The following ATP11B variants were observed in gnomAD, a reference collection of about 807,000 sequenced individuals.
ATP11B encodes the protein ATPase phospholipid transporting 11B (putative).
ATP11B carries 81 observed loss-of-function variants against 157.8 expected under a neutral mutation model. The observed-to-expected ratio is 0.51, with a 90% CI of 0.43 to 0.62. ATP11B has a LOEUF of 0.62. Among genes scored for constraint, ATP11B ranks in the 20% least tolerant of loss-of-function variants. The probability of loss-of-function intolerance (pLI) is 0.00; values close to 1 mark genes in which losing one functional copy is unlikely to be tolerated. For missense variants in ATP11B, 1,165 were observed against 1,402.2 expected (o/e 0.83, Z 2.70); for synonymous variants, 451 against 469.4 (o/e 0.96, Z 0.51).
At chr3:182,859,060 A>T (rs1720634653) in intron 11 of ATP11B, 102 bp from the exon 12 acceptor site, 5 of 694,676 alleles carry the variant, frequency 7.2e-6, no homozygotes, top group Non-Finnish European at 1.2e-5. Flanking sequence ...AATATAGTTG[A>T]TGGTCTATGT....
At chr3:182,900,720 A>G (rs1723896328) in intron 28 of ATP11B, among the ~76,000 whole-genome samples, 1 of 152,138 alleles carries the variant, frequency 6.6e-6, no homozygotes, top group Admixed American at 6.5e-5. Flanking sequence ...GTTATATTTC[A>G]CCAAAATATA....
At chr3:182,868,308 A>T (rs572343053) in intron 15 of ATP11B, among the ~76,000 whole-genome samples, 3 of 149,404 alleles carry the variant, frequency 2.0e-5, no homozygotes, top group African/African-American at 7.4e-5. Context: ...TCATATGTCA[A>T]TTCCAGCTGT....
At chr3:182,807,242 T>C (rs1716381048) in intron 1 of ATP11B, among the ~76,000 whole-genome samples, 1 of 152,122 alleles carries the variant, frequency 6.6e-6, no homozygotes, top group African/African-American at 2.4e-5. Flanking sequence ...CCGTTATCTC[T>C]TAAATCTGCC....
rs1725415647 is a variant in ATP11B, at chr3:182,920,581, C to G, written c.*2477C>G. On this transcript the variant is annotated 3_prime_UTR_variant, in exon 30 of 30. Coordinates refer to ENST00000323116, the MANE Select transcript of ATP11B (RefSeq NM_014616.3). ...CAAAACCAGAGCAAAATGCTAAATACGTTATTGCTAATCAGTGGTCTCAAA... is the reference window on the plus strand; with the variant it reads ...CAAAACCAGAGCAAAATGCTAAATAGGTTATTGCTAATCAGTGGTCTCAAA... 1 of 152,172 alleles carries G rather than the reference C, an allele frequency of 6.6e-6. No homozygotes were observed. Among genetic ancestry groups the G allele is most frequent in the Non-Finnish European group, 1.5e-5 (1 of 68,030 alleles). The allele number at this position is 152,172 out of a possible 1,614,324, so 9.4% of individuals were successfully genotyped here.
At position 182,805,454 on chromosome 3, in the gene ATP11B, C is replaced by CA. The variant is rs1470121924; in HGVS notation, c.27+11668_27+11669insA. Reference sequence around the variant, plus strand: ...AGAAATGCCTATTCAGATATTTTTGCTTTTTTTTTTTTCTTTTGAGACGGA... The same window carrying CA: ...AGAAATGCCTATTCAGATATTTTTGCATTTTTTTTTTTTCTTTTGAGACGGA... On this transcript the variant is annotated intron_variant, in intron 1 of 29. Transcript: ENST00000323116. Among the ~76,000 whole-genome samples, 3 of 142,990 alleles carry CA rather than the reference C, an allele frequency of 2.1e-5. No individual in the cohort carries two copies. In the Admixed American group the frequency reaches 2.1e-4, roughly 10 times the overall value. 93.8% of individuals were successfully genotyped at this position (142,990 alleles called of 152,430 possible). A position where few individuals can be genotyped will look rare whatever the true frequency, so the allele number is the denominator to read the frequency against.
At chr3:182,877,797 G>A (rs903217360) in intron 19 of ATP11B, among the ~76,000 whole-genome samples, 7 of 152,164 alleles carry the variant, frequency 4.6e-5, no homozygotes, top group African/African-American at 1.7e-4. Context: ...CTACAGAGAT[G>A]AGTAAATGCT....
chr3:182,870,992 C>A (rs138314396), intron 17 of ATP11B, among the ~76,000 whole-genome samples: 2 of 150,860 alleles, frequency 1.3e-5, no homozygotes, highest in East Asian at 3.9e-4. Context: ...CTACGCTTTC[C>A]AAGTTGTTAT....
At chr3:182,869,590 T>A (rs570006799) in intron 17 of ATP11B, among the ~76,000 whole-genome samples, 128 of 152,314 alleles carry the variant, frequency 8.4e-4, no homozygotes, top group African/African-American at 3.0e-3. Flanking sequence ...GAGTGTTTAT[T>A]AAACAAACAT....
chr3:182,845,222 GTC>G (rs1351279237), intron 8 of ATP11B, among the ~76,000 whole-genome samples: 1 of 151,964 alleles, frequency 6.6e-6, no homozygotes, highest in Non-Finnish European at 1.5e-5. Flanking sequence ...GCCCAGGCTG[GTC>G]TCAAACTCCT....
chr3:182,916,469 A>T (rs1001524213), intron 29 of ATP11B: 1 of 985,370 alleles, frequency 1.0e-6, no homozygotes, highest in Non-Finnish European at 1.2e-6. Context: ...TGATGTTGTC[A>T]ATGAAGTATC....
intron 1 of ATP11B, among the ~76,000 whole-genome samples, chr3:182,802,042 A>T (rs1700249539): frequency 6.6e-6 from 1 of 152,230 alleles, no homozygotes; most frequent in Non-Finnish European, 1.5e-5. Flanking sequence ...TGCACCATAA[A>T]TATACAGAAT....
At chr3:182,884,722 G>A in intron 21 of ATP11B, 31 bp from the exon 22 acceptor site, 1 of 1,564,950 alleles carries the variant, frequency 6.4e-7, no homozygotes, top group Non-Finnish European at 8.6e-7. Flanking sequence ...ACAGTTATCA[G>A]TGAACATGTC....
Position 182,836,306 on chromosome 3 carries a change from A to G in ATP11B, c.424-36A>G, listed in dbSNP as rs1056163385. The G allele has an allele frequency of 1.9e-6, 3 of 1,611,672 alleles. No individual in the cohort carries two copies. The African/African-American group carries it at 4.0e-5, about 22-fold the overall frequency. ...TAAAAGTAAGTCCTTGCCTTTTAAA[A>G]TTTATAAATTCACTCTTCCCCAAAA... On this transcript the variant is annotated intron_variant, in intron 5 of 29. Coordinates refer to ENST00000323116, the MANE Select transcript of ATP11B (RefSeq NM_014616.3).
intron 7 of ATP11B, among the ~76,000 whole-genome samples, chr3:182,839,601 A>T (rs1718839307): frequency 2.7e-5 from 1 of 36,696 alleles, no homozygotes; most frequent in Non-Finnish European, 7.7e-5. Context: ...CCATTTTTTA[A>T]ATATTTATTT....
chr3:182,839,497 C>T (rs1350164023), intron 7 of ATP11B, among the ~76,000 whole-genome samples: 4 of 152,032 alleles, frequency 2.6e-5, no homozygotes, highest in Admixed American at 6.6e-5. Flanking sequence ...TCATTGATAG[C>T]TGCAGAAAGA....
intron 18 of ATP11B, 73 bp from the exon 19 acceptor site, chr3:182,873,739 A>G (rs1044003236): frequency 2.5e-6 from 3 of 1,219,300 alleles, no homozygotes. Context: ...ATCCTTAAAT[A>G]TACTATGTAG....
intron 9 of ATP11B, among the ~76,000 whole-genome samples, chr3:182,847,988 A>G (rs535524522): frequency 6.6e-6 from 1 of 152,274 alleles, no homozygotes; most frequent in East Asian, 1.9e-4. Flanking sequence ...TGCTTACTTG[A>G]TTTACTCTGA....
At position 182,913,933 on chromosome 3, in the gene ATP11B, G is replaced by C; in HGVS notation, c.3391G>C (p.Ala1131Pro). Residue 1131 changes from alanine (A) to proline (P), a missense_variant, in exon 29 of 30, where the codon GCA becomes CCA. Physicochemically the swap from Ala to Pro is conservative, Grantham distance 27. Around this residue, in one of 4 missense-constraint regions of ATP11B, gnomAD observed 303 missense variants for 296.3 expected, o/e 1.02. Transcript: ENST00000323116. ...TTTCCCGGAAGGAGAAGCAGCGTGT[G>C]CATCTGTTGGAAGAATGCTGGAACG... Reference protein sequence around the residue: ...CCFPEGEAACASVGRMLERVI... With the variant: ...CCFPEGEAACPSVGRMLERVI... 6.2e-7 allele frequency: 1 copy of C among 1,614,130 alleles called. No individual in the cohort carries two copies. Among genetic ancestry groups the C allele is most frequent in the Non-Finnish European group, 8.5e-7 (1 of 1,179,978 alleles).
In ATP11B at chr3:182,874,034, G is replaced by A. The variant is rs1211093982; in HGVS notation, c.2252+19G>A. 6 of 1,606,402 alleles carry A rather than the reference G, an allele frequency of 3.7e-6. No individual in the cohort carries two copies. In the African/African-American group the frequency reaches 6.7e-5, roughly 18 times the overall value. On this transcript the variant is annotated intron_variant, in intron 19 of 29. Transcript: ENST00000323116. ...CCAGAAGGTAAGAATATAGGAACCT[G>A]TATCATACCTTTCAGGGGTTAGCAA...
Sources: gnomAD v4.1 joint callset for allele counts (sites outside exome capture counted in the v4.1 genomes callset) on GRCh38, gnomAD v4.1.1 for gene constraint, gnomAD v4.1.1 regional missense constraint, MANE v1.5 for transcripts, NCBI Gene and HGNC (gene_info 2026-07-23, HGNC 2026-07-21) for gene names.